DLG2: variants seen among roughly 807,000 people sequenced by gnomAD.
The protein encoded by DLG2 is disks large homolog 2.
A neutral mutation model predicts 132.5 loss-of-function variants in DLG2; 45 were observed. That is an observed-to-expected ratio of 0.34 (90% CI 0.27 to 0.44). The LOEUF (loss-of-function observed/expected upper bound fraction) is 0.44. Ranked by LOEUF, DLG2 falls within the 20% of genes least tolerant of loss-of-function variation. The pLI is 1.00. For missense variants in DLG2, 1,045 were observed against 1,196.9 expected (o/e 0.87, Z 1.87); for synonymous variants, 424 against 419.6 (o/e 1.01, Z -0.13).
chr11:84,068,002 C>T (rs927275291), intron 10 of DLG2, among the ~76,000 whole-genome samples: 4 of 152,076 alleles, frequency 2.6e-5, no homozygotes, highest in African/African-American at 9.7e-5. Flanking sequence ...CAAGTCTGGC[C>T]AGTCCTGCTT....
At chr11:84,220,649 A>G (rs532135109) in intron 8 of DLG2, among the ~76,000 whole-genome samples, 2 of 152,206 alleles carry the variant, frequency 1.3e-5, no homozygotes, top group Admixed American at 6.5e-5. Flanking sequence ...AAAGAGAAAT[A>G]AAAGCTCAAT....
intron 4 of DLG2, among the ~76,000 whole-genome samples, chr11:85,221,365 T>C (rs74870432): frequency 0.013 from 2,024 of 152,150 alleles, 22 homozygotes; most frequent in Non-Finnish European, 0.021. Context: ...CCTCAAACTT[T>C]CTTTTCTAAA....
intron 16 of DLG2, among the ~76,000 whole-genome samples, chr11:83,860,063 G>T (rs572364913): frequency 4.6e-5 from 7 of 152,332 alleles, no homozygotes; most frequent in African/African-American, 1.7e-4. Flanking sequence ...GTATGGAAAT[G>T]CCTGGAAGCC....
intron 7 of DLG2, among the ~76,000 whole-genome samples, chr11:84,482,129 T>G (rs1375383890): frequency 6.6e-6 from 1 of 152,210 alleles, no homozygotes; most frequent in African/African-American, 2.4e-5. Context: ...CTGCAGGTAA[T>G]GCAAGCTATC....
chr11:83,941,722 G>T (rs958883857), intron 14 of DLG2, among the ~76,000 whole-genome samples: 3 of 152,004 alleles, frequency 2.0e-5, no homozygotes, highest in African/African-American at 7.2e-5. Flanking sequence ...CAGCATATGT[G>T]CTTAATTTTG....
intron 3 of DLG2, among the ~76,000 whole-genome samples, chr11:85,379,241 G>C (rs1414996131): frequency 6.6e-6 from 1 of 152,062 alleles, no homozygotes; most frequent in East Asian, 1.9e-4. Context: ...AGACTCCCTA[G>C]CTCTGTCCCT....
At chr11:84,064,997 G>A (rs185626544) in intron 10 of DLG2, among the ~76,000 whole-genome samples, 1 of 152,274 alleles carries the variant, frequency 6.6e-6, no homozygotes, top group Non-Finnish European at 1.5e-5. Context: ...AAATGGTGCT[G>A]AGATAACTGG....
At chr11:85,415,898 G>C (rs758584865) in intron 3 of DLG2, among the ~76,000 whole-genome samples, 5 of 151,916 alleles carry the variant, frequency 3.3e-5, no homozygotes, top group Non-Finnish European at 7.4e-5. Flanking sequence ...GTCACTTTTG[G>C]GTTTTGTTGC....
At chr11:85,608,365 G>T (rs887688961) in intron 2 of DLG2, among the ~76,000 whole-genome samples, 4 of 152,040 alleles carry the variant, frequency 2.6e-5, no homozygotes, top group Non-Finnish European at 5.9e-5. Flanking sequence ...TCTCTCTGAT[G>T]GGGAAAAATG....
At chr11:83,884,967 C>G (rs1762334823) in intron 15 of DLG2, among the ~76,000 whole-genome samples, 1 of 152,160 alleles carries the variant, frequency 6.6e-6, no homozygotes, top group South Asian at 2.1e-4. Flanking sequence ...CATCAAAGAC[C>G]AAAAGTAGAT....
At chr11:84,451,514 T>C (rs1217241781) in intron 7 of DLG2, among the ~76,000 whole-genome samples, 1 of 151,872 alleles carries the variant, frequency 6.6e-6, no homozygotes, top group African/African-American at 2.4e-5. Flanking sequence ...TGCTAAGTTT[T>C]AGATATATTC....
rs148341377 is a variant in DLG2 at position 85,049,412 on chromosome 11, A to G, written c.357+62249T>C. On this transcript the variant is annotated intron_variant, in intron 6 of 27. Transcript: ENST00000376104. ...ACCTAGCACTATGTCTGCAATATGG[A>G]AGACTGGCCACAAGTATTTGCTATA... is the stretch of plus-strand genomic sequence containing the variant. Among the ~76,000 whole-genome samples, 354 of 150,394 alleles carry G rather than the reference A, an allele frequency of 2.4e-3. 1 individual carries two copies. Among genetic ancestry groups the G allele is most frequent in the African/African-American group, 8.1e-3 (333 of 41,320 alleles).
rs569351536 is a variant in DLG2, at chr11:84,194,888, A to G, written c.574-31377T>C. On this transcript the variant is annotated intron_variant, in intron 8 of 27. Transcript: ENST00000376104. ...GCCGGCGGCGCTGGCCAGCTGCTCCAAGCGCGGGGCCTATTGAGCCTGCGC... is the reference window on the plus strand; with the variant it reads ...GCCGGCGGCGCTGGCCAGCTGCTCCGAGCGCGGGGCCTATTGAGCCTGCGC... Among the ~76,000 whole-genome samples the G allele has an allele frequency of 5.9e-5, 9 of 152,242 alleles. No individual in the cohort carries two copies. The South Asian group carries it at 1.7e-3, about 28-fold the overall frequency.
rs549751774 is a variant in DLG2, at chr11:83,750,405, A to G, written c.1825+36285T>C. 7.9e-5 allele frequency among the ~76,000 whole-genome samples: 12 copies of G among 152,306 alleles called. No individual in the cohort carries two copies. The East Asian group carries it at 1.9e-3, about 24-fold the overall frequency. On this transcript the variant is annotated intron_variant, in intron 18 of 27. Coordinates refer to ENST00000376104, the MANE Select transcript of DLG2 (RefSeq NM_001142699.3). ...GTTAAAGAGCAGAGTCTTCTGGTTA[A>G]TCAAATATTGAGATAAGAATTACCA...
intron 6 of DLG2, chr11:84,687,095 A>T (rs1283883227): frequency 6.6e-6 from 1 of 152,008 alleles, no homozygotes; most frequent in African/African-American, 2.4e-5. Context: ...TTTATTTCAA[A>T]TACTTAGAAG....
chr11:85,437,955 G>A (rs2091580455), intron 3 of DLG2, among the ~76,000 whole-genome samples: 1 of 152,114 alleles, frequency 6.6e-6, no homozygotes. Context: ...AATACCTGAT[G>A]CTGAGTAATT....
chr11:85,324,712 T>C (rs1252298308), intron 3 of DLG2, among the ~76,000 whole-genome samples: 1 of 152,134 alleles, frequency 6.6e-6, no homozygotes, highest in African/African-American at 2.4e-5. Flanking sequence ...GAAATAATTT[T>C]TAGGTGACTG....
intron 7 of DLG2, among the ~76,000 whole-genome samples, chr11:84,339,291 G>A (rs1003982117): frequency 6.6e-6 from 1 of 152,162 alleles, no homozygotes; most frequent in Non-Finnish European, 1.5e-5. Flanking sequence ...AAGCATTAAT[G>A]TGCCAGCAAC....
At chr11:84,854,826 T>C (rs1206226132) in intron 6 of DLG2, among the ~76,000 whole-genome samples, 1 of 152,062 alleles carries the variant, frequency 6.6e-6, no homozygotes, top group African/African-American at 2.4e-5. Flanking sequence ...AGTGATTCTT[T>C]TATTGTGAAA....
Sources: allele counts gnomAD v4.1 joint callset (sites outside exome capture counted in the v4.1 genomes callset), GRCh38; gene constraint gnomAD v4.1.1; transcripts MANE v1.5; gene names NCBI Gene and HGNC (gene_info 2026-07-23, HGNC 2026-07-21).